KIF5A: variants seen among roughly 807,000 people sequenced by gnomAD.
The protein encoded by KIF5A is kinesin heavy chain isoform 5A.
Under a neutral mutation model 141.3 loss-of-function variants are expected in KIF5A, and 35 were observed. The observed-to-expected ratio is 0.25, with a 90% CI of 0.19 to 0.33. The LOEUF (loss-of-function observed/expected upper bound fraction) is 0.33. Among genes scored for constraint, KIF5A ranks in the 10% least tolerant of loss-of-function variants. The probability of loss-of-function intolerance (pLI) is 1.00; values close to 1 mark genes in which losing one functional copy is unlikely to be tolerated. For synonymous variants in KIF5A, 448 were observed against 500.2 expected, an observed-to-expected ratio of 0.90 and a Z score of 1.39; for missense variants, 861 against 1,314.3, an observed-to-expected ratio of 0.66 and a Z score of 5.33.
intron 5 of KIF5A, 63 bp downstream of exon 5, chr12:57,564,571 T>G: frequency 2.3e-6 from 3 of 1,290,706 alleles, no homozygotes; most frequent in Non-Finnish European, 3.4e-6. Flanking sequence ...AAGCTCACAT[T>G]GCATTTGGAA....
intron 1 of KIF5A, among the ~76,000 whole-genome samples, chr12:57,562,598 G>A (rs1487144900): frequency 6.6e-6 from 1 of 152,228 alleles, no homozygotes; most frequent in Non-Finnish European, 1.5e-5. Flanking sequence ...TTCACAAAGA[G>A]AGAGAGCTTG....
rs1394291959 is a variant in KIF5A, at chr12:57,582,624, C to T, written c.3015C>T (p.Asp1005=). Residue 1005 remains aspartate, a synonymous_variant, in exon 27 of 29, where the codon GAC becomes GAT. Coordinates refer to ENST00000455537, the MANE Select transcript of KIF5A (RefSeq NM_004984.4). The stretch of plus-strand genomic sequence containing the variant: ...CAGGAAATGCCACAGATATCAATGA[C>T]AATAGGTACAACAGTCCCCACTACC... The part of the protein sequence containing the change: ...MDNGNATDIN[D]NRSDLPCGYE... 1 of 1,609,962 alleles carries T rather than the reference C, an allele frequency of 6.2e-7. No individual in the cohort carries two copies. The highest frequency in any genetic ancestry group is 2.2e-5 in the East Asian group (1 of 44,862).
intron 27 of KIF5A, 181 bp from the exon 28 acceptor site, chr12:57,582,920 C>A: frequency 1.5e-6 from 1 of 673,444 alleles, no homozygotes; most frequent in South Asian, 1.7e-5. Context: ...CCTTTGGAAG[C>A]CTTGTGACAT....
chr12:57,557,256 T>TAA (rs776630963), intron 1 of KIF5A, among the ~76,000 whole-genome samples: 1 of 146,660 alleles, frequency 6.8e-6, no homozygotes. Context: ...AAAAGGAAAT[T>TAA]AAAAAAAAAA....
In KIF5A at chr12:57,563,501, T is replaced by C; in HGVS notation, c.192T>C (p.His64=). The C allele has an allele frequency of 6.2e-7, 1 of 1,613,906 alleles. No homozygotes were observed. The highest frequency in any genetic ancestry group is 1.3e-5 in the African/African-American group (1 of 75,050). ...PPNTTQEQVY[H]ACAMQIVKDV... ...ACACGACTCAAGAGCAAGTTTATCA[T>C]GCATGTGCCATGCAGATTGTCAAAG... Residue 64 remains histidine (H), a synonymous_variant, in exon 2 of 29, where the codon CAT becomes CAC. Coordinates refer to ENST00000455537, the MANE Select transcript of KIF5A (RefSeq NM_004984.4).
intron 25 of KIF5A, 82 bp downstream of exon 25, chr12:57,581,650 T>C: frequency 6.6e-7 from 1 of 1,513,804 alleles, no homozygotes; most frequent in Non-Finnish European, 9.1e-7. Flanking sequence ...CAGTTATTGG[T>C]TGTGGCTTAA....
In KIF5A at chr12:57,572,929, G is replaced by A. The variant is rs1001794826; in HGVS notation, c.1716+203G>A. Among the ~76,000 whole-genome samples the A allele has an allele frequency of 3.3e-5, 5 of 152,132 alleles. No individual in the cohort carries two copies. The highest frequency in any genetic ancestry group is 5.9e-5 in the Non-Finnish European group (4 of 67,994). On this transcript the variant is annotated intron_variant, in intron 15 of 28. Transcript: ENST00000455537. This position sits in a 1 kb window ranked among gnomAD's most constrained non-coding sequence, Gnocchi z 4.2. ...TCTAGGTTGGGCGCAGTGGCTCACC[G>A]CTGTAATCCCAGCACTTTGGGAGGC...
chr12:57,565,088 T>C (rs1373585906), intron 6 of KIF5A, 115 bp downstream of exon 6: 2 of 896,032 alleles, frequency 2.2e-6, no homozygotes, highest in African/African-American at 3.3e-5. Context: ...AGGAATGAGA[T>C]GTGCCTAGGG....
chr12:57,552,300 C>A (rs997200419), intron 1 of KIF5A, among the ~76,000 whole-genome samples: 1 of 151,960 alleles, frequency 6.6e-6, no homozygotes, highest in Admixed American at 6.6e-5. Flanking sequence ...GGTGTGGTGT[C>A]GATCTGTTGT....
chr12:57,567,190 C>T lies in KIF5A; in HGVS notation c.566C>T (p.Ser189Leu), dbSNP rs140144799. 116 of 1,613,002 alleles carry T rather than the reference C, an allele frequency of 7.2e-5. 1 individual carries two copies. Among genetic ancestry groups the T allele is most frequent in the Admixed American group, 1.3e-4 (8 of 59,976 alleles). ...EILDVIDEGK[S>L]NRHVAVTNMN... ...CTGGATGTGATTGATGAAGGGAAAT[C>T]AAATCGTCATGTGGCTGTCACCAGT... is the stretch of plus-strand genomic sequence containing the variant. The change falls in exon 7 of 29, where the codon TCA becomes TTA. Residue 189 changes from serine (S) to leucine (L), a missense_variant. By Grantham distance (145) the Ser-to-Leu change is moderately radical. Around this residue, in one of 5 missense-constraint regions of KIF5A, gnomAD observed 146 missense variants for 353.4 expected, o/e 0.41. Transcript: ENST00000455537.
In KIF5A at chr12:57,576,785, G is replaced by T; in HGVS notation, c.2223G>T (p.Glu741Asp). ...GCCTAAATCAGAAGCTCCAGTTAGAGCTAGAGAAGCTTCAGGCTGACTACG... is the reference window on the plus strand; with the variant it reads ...GCCTAAATCAGAAGCTCCAGTTAGATCTAGAGAAGCTTCAGGCTGACTACG... ...LKDLNQKLQL[E>D]LEKLQADYEK... Residue 741 changes from glutamate to aspartate, a missense_variant, in exon 20 of 29, where the codon GAG becomes GAT. Around this residue, in one of 5 missense-constraint regions of KIF5A, gnomAD observed 482 missense variants for 661.3 expected, o/e 0.73. Transcript: ENST00000455537. 6.2e-7 allele frequency: 1 copy of T among 1,613,818 alleles called. No individual in the cohort carries two copies. Among genetic ancestry groups the T allele is most frequent in the Non-Finnish European group, 8.5e-7 (1 of 1,179,806 alleles).
At chr12:57,583,817 G>A (rs1327270186) in intron 28 of KIF5A, among the ~76,000 whole-genome samples, 2 of 152,278 alleles carry the variant, frequency 1.3e-5, no homozygotes, top group East Asian at 1.9e-4. Flanking sequence ...GTCCCCAGGT[G>A]CTCTCCTCTA....
chr12:57,564,872 G>A, intron 5 of KIF5A, 46 bp from the exon 6 acceptor site: 1 of 1,572,470 alleles, frequency 6.4e-7, no homozygotes, highest in Non-Finnish European at 8.8e-7. Flanking sequence ...GCAGATGGGG[G>A]CGGTGGAAGT....
Position 57,572,404 on chromosome 12 carries a change from C to G in KIF5A, c.1569+137C>G, listed in dbSNP as rs1453952783. 8.1e-6 allele frequency: 10 copies of G among 1,242,144 alleles called. No individual in the cohort carries two copies. The highest frequency in any genetic ancestry group is 1.0e-5 in the Non-Finnish European group (9 of 868,960). 76.9% of individuals were successfully genotyped at this position (1,242,144 alleles called of 1,614,324 possible). A position where few individuals can be genotyped will look rare whatever the true frequency, so the allele number is the denominator to read the frequency against. On this transcript the variant is annotated intron_variant, in intron 14 of 28. Transcript: ENST00000455537. The surrounding 1 kb of genome is among the most constrained non-coding windows in gnomAD (Gnocchi z 4.2). ...GTTCAGTGCATTGTGAGTCCCTCCC[C>G]AACCCTGTCACTGCACTTTCCCCTC...
chr12:57,555,078 T>G (rs915720903), intron 1 of KIF5A, among the ~76,000 whole-genome samples: 5 of 152,160 alleles, frequency 3.3e-5, no homozygotes, highest in Admixed American at 2.0e-4. Context: ...GGATCAAGGT[T>G]GTGATCCATA....
At chr12:57,570,256 A>G in intron 12 of KIF5A, 94 bp downstream of exon 12, 2 of 1,098,146 alleles carry the variant, frequency 1.8e-6, no homozygotes, top group Non-Finnish European at 2.7e-6. Context: ...TTCTGGTTTT[A>G]AAAGGGATAA....
rs1436152224 is a variant in KIF5A at position 57,550,583 on chromosome 12, A to T, written c.129+183A>T. Among the ~76,000 whole-genome samples, 1 of 151,558 alleles carries T rather than the reference A, an allele frequency of 6.6e-6. No homozygotes were observed. The highest frequency in any genetic ancestry group is 2.1e-4 in the South Asian group (1 of 4,702). ...TGGCTGGGTGTGGCCTGGCCAGGCC[A>T]GCGGCCGAGTCTCTGCAGAGTGGCA... On this transcript the variant is annotated intron_variant, in intron 1 of 28. Coordinates refer to ENST00000455537, the MANE Select transcript of KIF5A (RefSeq NM_004984.4). This position sits in a 1 kb window ranked among gnomAD's most constrained non-coding sequence, Gnocchi z 4.6.
chr12:57,567,171 G>A lies in KIF5A; in HGVS notation c.547G>A (p.Val183Met). 6.2e-7 allele frequency: 1 copy of A among 1,613,530 alleles called. No homozygotes were observed. The highest frequency in any genetic ancestry group is 8.5e-7 in the Non-Finnish European group (1 of 1,179,644). The change falls in exon 7 of 29, where the codon GTG becomes ATG. Residue 183 changes from valine to methionine, a missense_variant. Physicochemically the swap from Val to Met is conservative, Grantham distance 21. Transcript: ENST00000455537. ...FVSSPEEILD[V>M]IDEGKSNRHV... ...GTCCAGCCCGGAGGAGATTCTGGAT[G>A]TGATTGATGAAGGGAAATCAAATCG...
chr12:57,567,356 T>C lies in KIF5A; in HGVS notation c.590-138T>C. 4.7e-6 allele frequency: 5 copies of C among 1,057,554 alleles called. No individual in the cohort carries two copies. In the South Asian group the frequency reaches 5.1e-5, roughly 11 times the overall value. 65.5% of individuals were successfully genotyped at this position (1,057,554 alleles called of 1,614,324 possible). A position where few individuals can be genotyped will look rare whatever the true frequency, so the allele number is the denominator to read the frequency against. ...CCCTTGTCTGTGGGACCCTGCTGCC[T>C]GGGAGATGTGGCAGCAGGGCTAGTC... On this transcript the variant is annotated intron_variant, in intron 7 of 28. Coordinates refer to ENST00000455537, the MANE Select transcript of KIF5A (RefSeq NM_004984.4).
Sources: allele counts gnomAD v4.1 joint callset (sites outside exome capture counted in the v4.1 genomes callset), GRCh38; gene constraint gnomAD v4.1.1; regional missense constraint gnomAD v4.1.1; non-coding constraint Gnocchi (gnomAD v3.1); transcripts MANE v1.5; gene names NCBI Gene and HGNC (gene_info 2026-07-23, HGNC 2026-07-21).